Variants in GSDME observed in about 807,000 individuals in gnomAD.
GSDME encodes gasdermin-E.
Under a neutral mutation model 47.5 loss-of-function variants are expected in GSDME, and 44 were observed. That is an observed-to-expected ratio of 0.93 (90% CI 0.73 to 1.19). GSDME has a LOEUF of 1.19. Among genes scored for constraint, GSDME ranks in the 50% most tolerant of loss-of-function variants. The probability of loss-of-function intolerance (pLI) is 0.00; values close to 1 mark genes in which losing one functional copy is unlikely to be tolerated. For synonymous variants in GSDME, 258 were observed against 252.8 expected, an observed-to-expected ratio of 1.02 and a Z score of -0.20; for missense variants, 663 against 604.2, an observed-to-expected ratio of 1.10 and a Z score of -1.02.
chr7:24,718,948 A>C (rs561376960), intron 4 of GSDME, 99 bp downstream of exon 4: 2 of 1,349,922 alleles, frequency 1.5e-6, no homozygotes, highest in Non-Finnish European at 2.1e-6. Flanking sequence ...CTTGCTACGG[A>C]AAGAGTCCTG....
At chr7:24,718,971 A>G in intron 4 of GSDME, 76 bp downstream of exon 4, 6 of 1,520,426 alleles carry the variant, frequency 3.9e-6, no homozygotes, top group Non-Finnish European at 5.4e-6. Flanking sequence ...TAATGAAGAC[A>G]CCACCCAAAG....
At chr7:24,738,926 C>T (rs1004904692) in intron 3 of GSDME, among the ~76,000 whole-genome samples, 2 of 152,174 alleles carry the variant, frequency 1.3e-5, no homozygotes, top group Non-Finnish European at 2.9e-5. Flanking sequence ...AACTGTATAT[C>T]CCTATGCAGA....
intron 1 of GSDME, among the ~76,000 whole-genome samples, chr7:24,755,026 T>C (rs1160773480): frequency 6.6e-6 from 1 of 152,224 alleles, no homozygotes; most frequent in Non-Finnish European, 1.5e-5. Context: ...ATCTTCATAA[T>C]AACTCTTTGA....
the GSDME span, among the ~76,000 whole-genome samples, chr7:24,776,660 C>T: frequency 2.0e-5 from 3 of 152,098 alleles, no homozygotes; most frequent in African/African-American, 7.2e-5. Context: ...CTTCCTGCAG[C>T]AGGTATAAGT....
rs1790525551 is a variant in GSDME at position 24,742,538 on chromosome 7, A to G, written c.404+2024T>C. Among the ~76,000 whole-genome samples the G allele has an allele frequency of 6.6e-6, 1 of 151,998 alleles. No individual in the cohort carries two copies. On this transcript the variant is annotated intron_variant, in intron 3 of 9. Transcript: ENST00000645220. This position sits in a 1 kb window ranked among gnomAD's most constrained non-coding sequence, Gnocchi z 4.4. ...CTTTCTCTCCGGAATGTTTTCTCCCATCTCTTCTCAGTGAGCCTCCTCATA... is the reference window on the plus strand; with the variant it reads ...CTTTCTCTCCGGAATGTTTTCTCCCGTCTCTTCTCAGTGAGCCTCCTCATA...
chr7:24,702,449 A>C, intron 9 of GSDME: 1 of 364,524 alleles, frequency 2.7e-6, no homozygotes, highest in South Asian at 2.1e-5. Context: ...CCTTTATTGT[A>C]ATGTAACACC....
intron 3 of GSDME, among the ~76,000 whole-genome samples, chr7:24,727,864 C>T (rs2521760): frequency 0.14 from 20,722 of 152,230 alleles, 1,434 homozygotes; most frequent in South Asian, 0.16. Flanking sequence ...TTTTTGACAA[C>T]GAAGGCAGGA....
intron 1 of GSDME, among the ~76,000 whole-genome samples, chr7:24,750,651 C>G (rs924014225): frequency 6.6e-6 from 1 of 152,116 alleles, no homozygotes; most frequent in African/African-American, 2.4e-5. Flanking sequence ...TGAACAACAA[C>G]CTACTGACTA....
At chr7:24,722,264 T>A (rs1286853405) in intron 3 of GSDME, among the ~76,000 whole-genome samples, 1 of 152,180 alleles carries the variant, frequency 6.6e-6, no homozygotes. Flanking sequence ...TATTTGTGCA[T>A]CCACGTGTGA....
chr7:24,763,484 G>A, the GSDME span, among the ~76,000 whole-genome samples: 1 of 152,024 alleles, frequency 6.6e-6, no homozygotes, highest in African/African-American at 2.4e-5. The surrounding 1 kb of genome is among the most constrained non-coding windows in gnomAD (Gnocchi z 4.3). Context: ...CAGCAGGCAG[G>A]CGTGTAGACA....
chr7:24,780,252 T>C, the GSDME span, among the ~76,000 whole-genome samples: 1 of 152,204 alleles, frequency 6.6e-6, no homozygotes, highest in Non-Finnish European at 1.5e-5. This position sits in a 1 kb window ranked among gnomAD's most constrained non-coding sequence, Gnocchi z 4.1. Flanking sequence ...CCACCTGATA[T>C]ATTGATTAAG....
rs1178570075 is a variant in GSDME at position 24,714,280 on chromosome 7, G to C, written c.697+2974C>G. On this transcript the variant is annotated intron_variant, in intron 5 of 9. Transcript: ENST00000645220. The surrounding 1 kb of genome is among the most constrained non-coding windows in gnomAD (Gnocchi z 5.0). Reference sequence around the variant, plus strand: ...GCCTCCCTTCGAGGTTTCAAAGGACGACCAGGATCTCTGTCAAATGCAATC... The same window carrying C: ...GCCTCCCTTCGAGGTTTCAAAGGACCACCAGGATCTCTGTCAAATGCAATC... 6.6e-6 allele frequency among the ~76,000 whole-genome samples: 1 copy of C among 152,152 alleles called. No individual in the cohort carries two copies. The highest frequency in any genetic ancestry group is 1.5e-5 in the Non-Finnish European group (1 of 68,022).
intron 3 of GSDME, among the ~76,000 whole-genome samples, chr7:24,738,653 CA>C (rs143422463): frequency 0.12 from 18,943 of 152,166 alleles, 1,276 homozygotes; most frequent in Middle Eastern, 0.22. Context: ...TGTGGAACCA[CA>C]AAAGATGCAG....
the GSDME span, among the ~76,000 whole-genome samples, chr7:24,764,821 A>T: frequency 2.0e-5 from 3 of 152,236 alleles, no homozygotes; most frequent in Non-Finnish European, 4.4e-5. The surrounding 1 kb of genome is among the most constrained non-coding windows in gnomAD (Gnocchi z 4.4). Context: ...ATACTTGATA[A>T]ATGGTAGCTA....
chr7:24,757,458 C>T lies in GSDME; in HGVS notation c.-82G>A, dbSNP rs2128069452. 3 of 151,920 alleles carry T rather than the reference C, an allele frequency of 2.0e-5. No homozygotes were observed. The South Asian group carries it at 6.2e-4, about 31-fold the overall frequency. The allele number at this position is 151,920 out of a possible 1,614,324, so 9.4% of individuals were successfully genotyped here. ...CCTGCGCTGGCGGAGTCGGAGGAGC[C>T]TGCGCTGGGCCGGCGGGGGGCGGGC... On this transcript the variant is annotated 5_prime_UTR_variant, in exon 1 of 10. Coordinates refer to ENST00000645220, the MANE Select transcript of GSDME (RefSeq NM_001127453.2). The surrounding 1 kb of genome is among the most constrained non-coding windows in gnomAD (Gnocchi z 5.9).
chr7:24,752,202 G>A (rs1322061994), intron 1 of GSDME, among the ~76,000 whole-genome samples: 2 of 152,184 alleles, frequency 1.3e-5, no homozygotes, highest in Non-Finnish European at 1.5e-5. Flanking sequence ...GAGACATTGT[G>A]TTGTATTGAT....
chr7:24,707,634 G>T, intron 7 of GSDME: 1 of 356,114 alleles, frequency 2.8e-6, no homozygotes, highest in South Asian at 2.4e-5. Context: ...AGATTGGGGT[G>T]GGCCCTAAAT....
In GSDME at chr7:24,745,072, C is replaced by T; in HGVS notation, c.212-318G>A. ...CACAGTGGACCAGTGACCAGGGCTC[C>T]ACTAGAAGCTTTTCTCTTTCATTGG... On this transcript the variant is annotated intron_variant, in intron 2 of 9. Transcript: ENST00000645220. This position sits in a 1 kb window ranked among gnomAD's most constrained non-coding sequence, Gnocchi z 4.4. 6.6e-6 allele frequency among the ~76,000 whole-genome samples: 1 copy of T among 151,492 alleles called. No homozygotes were observed. The highest frequency in any genetic ancestry group is 1.9e-4 in the East Asian group (1 of 5,138).
At position 24,702,649 on chromosome 7, in the gene GSDME, A is replaced by AAGAGCTGT. The variant is rs1413609567; in HGVS notation, c.1257+103_1257+110dup. 5 of 846,030 alleles carry AAGAGCTGT rather than the reference A, an allele frequency of 5.9e-6. No homozygotes were observed. The East Asian group carries it at 1.3e-4, about 22-fold the overall frequency. The allele number at this position is 846,030 out of a possible 1,614,324, so 52.4% of individuals were successfully genotyped here. A position where few individuals can be genotyped will look rare whatever the true frequency, so the allele number is the denominator to read the frequency against. On this transcript the variant is annotated intron_variant, in intron 9 of 9. Coordinates refer to ENST00000645220, the MANE Select transcript of GSDME (RefSeq NM_001127453.2). ...AACAATACTTACTTAATGTGTCTTGAAGAGCTGTTGTGGTAAGTCCTAGAG... is the reference window on the plus strand; with the variant it reads ...AACAATACTTACTTAATGTGTCTTGAAGAGCTGTAGAGCTGTTGTGGTAAGTCCTAGAG...
Sources: gnomAD v4.1 joint callset for allele counts (sites outside exome capture counted in the v4.1 genomes callset) on GRCh38, gnomAD v4.1.1 for gene constraint, Gnocchi (gnomAD v3.1) non-coding constraint, MANE v1.5 for transcripts, NCBI Gene and HGNC (gene_info 2026-07-23, HGNC 2026-07-21) for gene names.